The following MTUS2 variants were observed in gnomAD, a reference collection of about 807,000 sequenced individuals.
MTUS2 encodes the protein microtubule associated scaffold protein 2.
MTUS2 carries 40 observed loss-of-function variants against 114.1 expected under a neutral mutation model. The ratio of observed to expected loss-of-function variants is 0.35; its 90% CI spans 0.27 to 0.46. The LOEUF (loss-of-function observed/expected upper bound fraction) is 0.46, where lower values mean the gene tolerates loss of function less well. Among genes scored for constraint, MTUS2 ranks in the 20% least tolerant of loss-of-function variants. MTUS2 has a pLI of 1.00. For missense variants in MTUS2, 1,679 were observed against 1,705.4 expected, an observed-to-expected ratio of 0.98 and a Z score of 0.27; for synonymous variants, 688 against 672.0, an observed-to-expected ratio of 1.02 and a Z score of -0.37.
At chr13:29,323,050 A>G (rs1900318651) in intron 6 of MTUS2, among the ~76,000 whole-genome samples, 1 of 152,302 alleles carries the variant, frequency 6.6e-6, no homozygotes, top group East Asian at 1.9e-4. Flanking sequence ...TGACAATTGG[A>G]CTGTGCATAG....
chr13:29,476,408 C>G (rs1880707521), intron 9 of MTUS2: 1 of 152,144 alleles, frequency 6.6e-6, no homozygotes, highest in South Asian at 2.1e-4. Flanking sequence ...CCATTGTTAT[C>G]TAGAGTTTTA....
chr13:29,171,531 T>C (rs907582146), intron 5 of MTUS2, among the ~76,000 whole-genome samples: 8 of 152,144 alleles, frequency 5.3e-5, no homozygotes, highest in Admixed American at 2.6e-4. Context: ...TTAGTAGTGG[T>C]GGAGGTGAGA....
intron 6 of MTUS2, among the ~76,000 whole-genome samples, chr13:29,317,377 C>G (rs1017673666): frequency 6.6e-6 from 1 of 152,152 alleles, no homozygotes; most frequent in African/African-American, 2.4e-5. Flanking sequence ...TTCCTTTCCT[C>G]TAGTCCTTGC....
chr13:28,942,884 A>G (rs1204971449), intron 2 of MTUS2, among the ~76,000 whole-genome samples: 3 of 152,202 alleles, frequency 2.0e-5, no homozygotes, highest in Non-Finnish European at 2.9e-5. Flanking sequence ...TTCCAGTGGT[A>G]GTTTCATTAA....
chr13:28,927,530 C>A (rs1881388997), intron 2 of MTUS2, among the ~76,000 whole-genome samples: 1 of 152,164 alleles, frequency 6.6e-6, no homozygotes, highest in Admixed American at 6.5e-5. Context: ...TGCACCACTG[C>A]ACTCCAGCAT....
intron 4 of MTUS2, among the ~76,000 whole-genome samples, chr13:29,047,720 A>G (rs954792859): frequency 5.3e-5 from 8 of 152,068 alleles, no homozygotes; most frequent in Admixed American, 2.6e-4. Context: ...TCACTGTGTT[A>G]GCCAGGATGG....
At chr13:29,203,574 A>C (rs950252864) in intron 5 of MTUS2, among the ~76,000 whole-genome samples, 20 of 151,860 alleles carry the variant, frequency 1.3e-4, no homozygotes, top group African/African-American at 9.7e-5. Flanking sequence ...AAAAAAAAAA[A>C]AAAAAACTCC....
In MTUS2 at chr13:29,188,633, A is replaced by C. The variant is rs148855725; in HGVS notation, c.2644+87663A>C. 2.1e-3 allele frequency among the ~76,000 whole-genome samples: 317 copies of C among 152,340 alleles called. 8 individuals are homozygous for C. Among genetic ancestry groups the C allele is most frequent in the Middle Eastern group, 0.02 (6 of 294 alleles). ...TAAGCCCCAGGCCTAAAAGACCCTC[A>C]GGCCACTGCTGTGCTTCAGGGATCT... is the stretch of plus-strand genomic sequence containing the variant. On this transcript the variant is annotated intron_variant, in intron 5 of 15. Coordinates refer to ENST00000612955, the MANE Select transcript of MTUS2 (RefSeq NM_001033602.4).
intron 5 of MTUS2, among the ~76,000 whole-genome samples, chr13:29,173,510 T>G (rs981960279): frequency 2.0e-5 from 3 of 152,224 alleles, no homozygotes; most frequent in Non-Finnish European, 4.4e-5. Flanking sequence ...GTTTGGTCTG[T>G]CACCCATCTG....
At chr13:29,220,983 T>C (rs2139321440) in intron 5 of MTUS2, among the ~76,000 whole-genome samples, 1 of 152,368 alleles carries the variant, frequency 6.6e-6, no homozygotes, top group African/African-American at 2.4e-5. Flanking sequence ...GATAGTCCCA[T>C]AGTTATTCTA....
At chr13:28,958,526 A>G (rs190609658) in intron 2 of MTUS2, among the ~76,000 whole-genome samples, 11 of 152,318 alleles carry the variant, frequency 7.2e-5, no homozygotes, top group African/African-American at 2.2e-4. Flanking sequence ...TCTGTTTACT[A>G]TTGTTTAAAA....
At chr13:29,290,467 C>T (rs1181346592) in intron 6 of MTUS2, among the ~76,000 whole-genome samples, 2 of 152,086 alleles carry the variant, frequency 1.3e-5, no homozygotes, top group Non-Finnish European at 2.9e-5. Flanking sequence ...GTAGCTGGGA[C>T]TACAGGCGCC....
At chr13:28,882,421 C>A (rs1878348001) in intron 2 of MTUS2, among the ~76,000 whole-genome samples, 1 of 151,582 alleles carries the variant, frequency 6.6e-6, no homozygotes, top group Non-Finnish European at 1.5e-5. Context: ...AAGCATGGCC[C>A]ATAAAGGAAA....
At chr13:28,875,077 T>A (rs1877851483) in intron 2 of MTUS2, among the ~76,000 whole-genome samples, 1 of 152,248 alleles carries the variant, frequency 6.6e-6, no homozygotes, top group Non-Finnish European at 1.5e-5. Context: ...ACTTGGTACA[T>A]AATGGATGTT....
At chr13:29,448,600 G>C (rs1389832028) in intron 9 of MTUS2, among the ~76,000 whole-genome samples, 2 of 151,676 alleles carry the variant, frequency 1.3e-5, no homozygotes, top group Admixed American at 6.6e-5. Flanking sequence ...TTCAGAGCTT[G>C]TGACAGCCTC....
intron 4 of MTUS2, among the ~76,000 whole-genome samples, chr13:29,094,233 CTT>C (rs1408349477): frequency 2.0e-5 from 3 of 151,514 alleles, no homozygotes; most frequent in Non-Finnish European, 4.4e-5. Context: ...AGTATTCCCT[CTT>C]CTTTTTTTGG....
intron 11 of MTUS2, chr13:29,489,838 T>C (rs1023897382): frequency 2.6e-5 from 4 of 152,226 alleles, no homozygotes; most frequent in Non-Finnish European, 5.9e-5. Flanking sequence ...GGATACTGCC[T>C]CTTCTTTTCC....
rs191629191 is a variant in MTUS2 at position 29,329,002 on chromosome 13, T to C, written c.2905+4291T>C. Among the ~76,000 whole-genome samples the C allele has an allele frequency of 3.2e-3, 487 of 152,240 alleles. 2 individuals carry two copies. Among genetic ancestry groups the C allele is most frequent in the Non-Finnish European group, 4.3e-3 (290 of 68,022 alleles). On this transcript the variant is annotated intron_variant, in intron 7 of 15. Transcript: ENST00000612955. The stretch of plus-strand genomic sequence containing the variant: ...GGTGTGACTCCCCCAGGCCCTTAGA[T>C]AGGAATTTGGGCAAGAGAAAAAGAA...
chr13:28,852,731 G>A (rs1455018457), intron 2 of MTUS2, among the ~76,000 whole-genome samples: 1 of 151,956 alleles, frequency 6.6e-6, no homozygotes, highest in African/African-American at 2.4e-5. Flanking sequence ...CAGGTGTGGT[G>A]GCACACCCAT....
Sources: allele counts gnomAD v4.1 joint callset (sites outside exome capture counted in the v4.1 genomes callset), GRCh38; gene constraint gnomAD v4.1.1; transcripts MANE v1.5; gene names NCBI Gene and HGNC (gene_info 2026-07-23, HGNC 2026-07-21).